USP3: variants seen among roughly 807,000 people sequenced by gnomAD.
USP3 encodes the protein ubiquitin specific peptidase 3.
A neutral mutation model predicts 72.3 loss-of-function variants in USP3; 20 were observed. The observed-to-expected ratio is 0.28, with a 90% CI of 0.19 to 0.40. The LOEUF (loss-of-function observed/expected upper bound fraction) is 0.40, where lower values mean the gene tolerates loss of function less well. Ranked by LOEUF, USP3 falls within the 10% of genes least tolerant of loss-of-function variation. The probability of loss-of-function intolerance (pLI) is 1.00; values close to 1 mark genes in which losing one functional copy is unlikely to be tolerated. For synonymous variants in USP3, 222 were observed against 225.3 expected, an observed-to-expected ratio of 0.99 and a Z score of 0.13; for missense variants, 479 against 633.9, an observed-to-expected ratio of 0.76 and a Z score of 2.62.
In USP3 at chr15:63,570,306, G is replaced by A; in HGVS notation, c.762-127G>A. 1 of 1,203,576 alleles carries A rather than the reference G, an allele frequency of 8.3e-7. No homozygotes were observed. Among genetic ancestry groups the A allele is most frequent in the Non-Finnish European group, 1.2e-6 (1 of 866,076 alleles). 74.6% of individuals were successfully genotyped at this position (1,203,576 alleles called of 1,614,324 possible). A position where few individuals can be genotyped will look rare whatever the true frequency, so the allele number is the denominator to read the frequency against. On this transcript the variant is annotated intron_variant, in intron 8 of 14. Transcript: ENST00000380324. The surrounding 1 kb of genome is among the most constrained non-coding windows in gnomAD (Gnocchi z 4.4). Reference sequence around the variant, plus strand: ...CTGTGGAGCTTTCGGGCATGAAGGTGAGGAAGCCTGGCTGTGCTTGTGAGC... The same window carrying A: ...CTGTGGAGCTTTCGGGCATGAAGGTAAGGAAGCCTGGCTGTGCTTGTGAGC...
At chr15:63,530,619 T>G (rs2066059007) in intron 1 of USP3, 1 of 433,430 alleles carries the variant, frequency 2.3e-6, no homozygotes, top group Non-Finnish European at 4.6e-6. Flanking sequence ...GGCCCCAAAG[T>G]TCTTAATATT....
intron 9 of USP3, among the ~76,000 whole-genome samples, chr15:63,572,970 GA>G (rs2066803715): frequency 6.6e-6 from 1 of 152,136 alleles, no homozygotes; most frequent in African/African-American, 2.4e-5. Context: ...AAGATTAATT[GA>G]TTGACTAGAT....
intron 11 of USP3, among the ~76,000 whole-genome samples, chr15:63,578,370 C>T (rs143938331): frequency 3.4e-4 from 51 of 151,602 alleles, no homozygotes; most frequent in African/African-American, 1.1e-3. Context: ...TTTGGGAGGC[C>T]GAGGCGGGTG....
intron 1 of USP3, among the ~76,000 whole-genome samples, chr15:63,514,273 T>C (rs1020661138): frequency 1.3e-5 from 2 of 152,162 alleles, no homozygotes; most frequent in African/African-American, 4.8e-5. Context: ...TAATACAGAT[T>C]TTTGGGAAAA....
chr15:63,589,309 G>T (rs1432481884), intron 14 of USP3, among the ~76,000 whole-genome samples: 1 of 152,086 alleles, frequency 6.6e-6, no homozygotes, highest in Non-Finnish European at 1.5e-5. Context: ...AATTTAAATG[G>T]GGCAAAAGGG....
intron 1 of USP3, among the ~76,000 whole-genome samples, chr15:63,523,610 C>T (rs1381122209): frequency 1.3e-5 from 2 of 152,106 alleles, no homozygotes; most frequent in Non-Finnish European, 2.9e-5. Context: ...AGCAGAGTTT[C>T]CTGGTCACTG....
chr15:63,510,513 T>G (rs2065766775), intron 1 of USP3, among the ~76,000 whole-genome samples: 1 of 152,206 alleles, frequency 6.6e-6, no homozygotes, highest in Non-Finnish European at 1.5e-5. Flanking sequence ...AGATTATCAT[T>G]GTTTGAAGTG....
chr15:63,578,409 C>G (rs1017462267), intron 11 of USP3, among the ~76,000 whole-genome samples: 1 of 151,712 alleles, frequency 6.6e-6, no homozygotes, highest in East Asian at 1.9e-4. Flanking sequence ...TAGAGACCAT[C>G]CTGGCTAACA....
chr15:63,587,676 C>T (rs1376358690), intron 11 of USP3: 2 of 152,212 alleles, frequency 1.3e-5, no homozygotes, highest in African/African-American at 4.8e-5. Flanking sequence ...AGTGTAAAAG[C>T]AGCCAGACAA....
At chr15:63,569,012 C>T (rs1222329858) in intron 8 of USP3, among the ~76,000 whole-genome samples, 1 of 152,116 alleles carries the variant, frequency 6.6e-6, no homozygotes, top group Non-Finnish European at 1.5e-5. Context: ...CTTGTGTTGA[C>T]TTGATGAAAA....
intron 7 of USP3, 109 bp downstream of exon 7, chr15:63,560,079 A>T (rs2066581018): frequency 5.5e-6 from 5 of 908,716 alleles, no homozygotes; most frequent in Non-Finnish European, 8.1e-6. Flanking sequence ...CTTAAAAAAA[A>T]TCTTCTAAAA....
intron 3 of USP3, among the ~76,000 whole-genome samples, chr15:63,542,797 T>A (rs956415417): frequency 2.0e-5 from 3 of 150,412 alleles, no homozygotes; most frequent in Non-Finnish European, 4.5e-5. Context: ...ATACTTCCTG[T>A]CATCATTTAC....
At chr15:63,552,081 G>T (rs771935346) in intron 3 of USP3, among the ~76,000 whole-genome samples, 1 of 152,124 alleles carries the variant, frequency 6.6e-6, no homozygotes, top group African/African-American at 2.4e-5. Flanking sequence ...GATATTAATG[G>T]CATCGTGTAA....
intron 1 of USP3, among the ~76,000 whole-genome samples, chr15:63,531,037 C>T (rs186224657): frequency 2.5e-4 from 38 of 152,252 alleles, no homozygotes; most frequent in African/African-American, 2.2e-4. Context: ...TGTAAATATG[C>T]GAATGCACTA....
intron 1 of USP3, among the ~76,000 whole-genome samples, chr15:63,507,747 T>G (rs768992426): frequency 6.6e-6 from 1 of 152,222 alleles, no homozygotes; most frequent in Non-Finnish European, 1.5e-5. Context: ...TTCTTACACT[T>G]TTTGATCTTA....
At chr15:63,545,168 A>C (rs991856775) in intron 3 of USP3, among the ~76,000 whole-genome samples, 2 of 152,198 alleles carry the variant, frequency 1.3e-5, no homozygotes, top group Non-Finnish European at 2.9e-5. Context: ...AATTTGAAAT[A>C]ATTTTCAAGC....
At chr15:63,511,883 T>G (rs757823563) in intron 1 of USP3, among the ~76,000 whole-genome samples, 3 of 152,130 alleles carry the variant, frequency 2.0e-5, no homozygotes, top group Non-Finnish European at 4.4e-5. Flanking sequence ...TATTCTAAGA[T>G]TTTCCAATTG....
At chr15:63,518,967 G>A (rs763881138) in intron 1 of USP3, among the ~76,000 whole-genome samples, 5 of 152,076 alleles carry the variant, frequency 3.3e-5, no homozygotes, top group Non-Finnish European at 5.9e-5. Context: ...GGGTTTCACC[G>A]TGTTAACCAG....
At position 63,591,652 on chromosome 15, in the gene USP3, C is replaced by T. The variant is rs191085227; in HGVS notation, c.*826C>T. 1 of 152,296 alleles carries T rather than the reference C, an allele frequency of 6.6e-6. No individual in the cohort carries two copies. The highest frequency in any genetic ancestry group is 1.9e-4 in the East Asian group (1 of 5,172). 9.4% of individuals were successfully genotyped at this position (152,296 alleles called of 1,614,324 possible). On this transcript the variant is annotated 3_prime_UTR_variant, in exon 15 of 15. Transcript: ENST00000380324. ...CTTTTGAATCAGTATCTCATTCCCC[C>T]TTAGTTGTACCACTGGAAGTCACGA...
Sources: allele counts gnomAD v4.1 joint callset (sites outside exome capture counted in the v4.1 genomes callset), GRCh38; gene constraint gnomAD v4.1.1; non-coding constraint Gnocchi (gnomAD v3.1); transcripts MANE v1.5; gene names NCBI Gene and HGNC (gene_info 2026-07-23, HGNC 2026-07-21).